Variants in LAMA2 observed in about 807,000 individuals in gnomAD.
The protein encoded by LAMA2 is laminin subunit alpha-2.
A neutral mutation model predicts 364.8 loss-of-function variants in LAMA2; 269 were observed. The ratio of observed to expected loss-of-function variants is 0.74; its 90% CI spans 0.67 to 0.82. The LOEUF is 0.82. LAMA2 is among the 40% of genes least tolerant of loss of function. The pLI, the probability that LAMA2 is intolerant of heterozygous loss-of-function variation, is 0.00. For missense variants in LAMA2, 3,807 were observed against 3,873.2 expected, an observed-to-expected ratio of 0.98 and a Z score of 0.45; for synonymous variants, 1,379 against 1,370.6, an observed-to-expected ratio of 1.01 and a Z score of -0.14.
At chr6:129,133,867 A>AACACACAC (rs148016532) in intron 4 of LAMA2, among the ~76,000 whole-genome samples, 7 of 151,130 alleles carry the variant, frequency 4.6e-5, no homozygotes, top group Non-Finnish European at 1.0e-4. Flanking sequence ...GAGACAATTC[A>AACACACAC]ACACACACAC....
Position 129,297,833 on chromosome 6 carries a change from G to T in LAMA2, c.3005G>T (p.Gly1002Val), listed in dbSNP as rs1415676174. 1 of 1,613,846 alleles carries T rather than the reference G, an allele frequency of 6.2e-7. No homozygotes were observed. Among genetic ancestry groups the T allele is most frequent in the East Asian group, 2.2e-5 (1 of 44,874 alleles). The change falls in exon 21 of 65, where the codon GGC becomes GTC. Residue 1002 changes from glycine to valine, a missense_variant. Coordinates refer to ENST00000421865, the MANE Select transcript of LAMA2 (RefSeq NM_000426.4). ...AAGAAATGTGACCGCTGTGCCCACG[G>T]CTATTTCAACTTCCAAGAAGGAGGC... The part of the protein sequence containing the change: ...TGKKCDRCAH[G>V]YFNFQEGGCT...
chr6:129,248,711 T>A (rs1393506313), intron 12 of LAMA2, among the ~76,000 whole-genome samples: 2 of 152,216 alleles, frequency 1.3e-5, no homozygotes, highest in Non-Finnish European at 2.9e-5. Flanking sequence ...AGTCCTTGTT[T>A]GAAATATATA....
chr6:129,095,754 C>CAAAAAAA (rs57713069), intron 3 of LAMA2, among the ~76,000 whole-genome samples: 2 of 93,992 alleles, frequency 2.1e-5, no homozygotes, highest in Non-Finnish European at 2.4e-5. Context: ...CTACTAAATA[C>CAAAAAAA]AAAAAAAAAA....
intron 14 of LAMA2, among the ~76,000 whole-genome samples, chr6:129,255,417 A>T (rs928566401): frequency 6.8e-6 from 1 of 147,768 alleles, no homozygotes; most frequent in Non-Finnish European, 1.5e-5. Flanking sequence ...AAAAAAAAAA[A>T]AAAAAAAAAA....
At chr6:128,963,604 C>T (rs898674294) in intron 1 of LAMA2, among the ~76,000 whole-genome samples, 2 of 152,026 alleles carry the variant, frequency 1.3e-5, no homozygotes, top group African/African-American at 4.8e-5. Context: ...CTCAGCAAAA[C>T]CTCAAAACAA....
chr6:129,515,297 A>G (rs1163466577), intron 64 of LAMA2, among the ~76,000 whole-genome samples: 1 of 152,246 alleles, frequency 6.6e-6, no homozygotes, highest in Non-Finnish European at 1.5e-5. Context: ...TAAATGAAAC[A>G]AGCAAAATGT....
chr6:129,339,275 G>A (rs1776124478), intron 29 of LAMA2, among the ~76,000 whole-genome samples: 1 of 152,178 alleles, frequency 6.6e-6, no homozygotes, highest in Admixed American at 6.5e-5. Flanking sequence ...ATGATCTAAT[G>A]GATACCTCGG....
intron 20 of LAMA2, among the ~76,000 whole-genome samples, chr6:129,296,795 A>T (rs569205032): frequency 9.9e-5 from 15 of 152,260 alleles, no homozygotes; most frequent in African/African-American, 3.6e-4. Flanking sequence ...TTATATTTTT[A>T]AAAAATAACC....
At chr6:129,288,131 G>A (rs917044562) in intron 19 of LAMA2, 73 bp downstream of exon 19, 33 of 1,289,736 alleles carry the variant, frequency 2.6e-5, no homozygotes, top group Non-Finnish European at 3.4e-5. Context: ...GAGTTCTTGA[G>A]TGTGGATTGA....
chr6:128,910,344 T>G (rs1179508603), intron 1 of LAMA2, among the ~76,000 whole-genome samples: 3 of 152,178 alleles, frequency 2.0e-5, no homozygotes, highest in Non-Finnish European at 4.4e-5. Flanking sequence ...TTCTTTTTAT[T>G]CTTTTTTCTC....
chr6:129,309,919 A>C (rs1244412181), intron 22 of LAMA2, among the ~76,000 whole-genome samples: 1 of 104,744 alleles, frequency 9.5e-6, no homozygotes, highest in African/African-American at 4.8e-5. Flanking sequence ...TTTTTTTTTG[A>C]GACGGAGTCT....
chr6:129,501,710 A>G (rs1785655645), intron 58 of LAMA2, among the ~76,000 whole-genome samples: 1 of 152,224 alleles, frequency 6.6e-6, no homozygotes. Context: ...GAGAGTGTGC[A>G]GGTTATTTTC....
intron 1 of LAMA2, among the ~76,000 whole-genome samples, chr6:128,922,691 G>T (rs1000367304): frequency 5.3e-5 from 8 of 152,014 alleles, no homozygotes; most frequent in African/African-American, 1.9e-4. Context: ...TTCTTTTGCT[G>T]TGCAGAAGCT....
At chr6:129,489,295 A>G (rs1784743765) in intron 56 of LAMA2, among the ~76,000 whole-genome samples, 1 of 152,184 alleles carries the variant, frequency 6.6e-6, no homozygotes, top group African/African-American at 2.4e-5. Flanking sequence ...AAGCTTCTCA[A>G]GAAGCTCCTT....
At chr6:129,157,233 A>C (rs1779166951) in intron 8 of LAMA2, among the ~76,000 whole-genome samples, 2 of 152,200 alleles carry the variant, frequency 1.3e-5, no homozygotes, top group Non-Finnish European at 2.9e-5. Context: ...GACTGGAGAC[A>C]CTAATCAGGA....
At chr6:129,507,256 A>G (rs957061530) in intron 61 of LAMA2, among the ~76,000 whole-genome samples, 1 of 152,078 alleles carries the variant, frequency 6.6e-6, no homozygotes, top group East Asian at 1.9e-4. Flanking sequence ...GACTATGAGA[A>G]CAGTCATATT....
intron 4 of LAMA2, among the ~76,000 whole-genome samples, chr6:129,126,160 T>C (rs79702013): frequency 0.039 from 5,873 of 152,280 alleles, 388 homozygotes; most frequent in African/African-American, 0.13. Flanking sequence ...CTTTACACAT[T>C]ATTAAATGAA....
chr6:129,293,862 T>G (rs1431080216), intron 20 of LAMA2, among the ~76,000 whole-genome samples: 4 of 152,208 alleles, frequency 2.6e-5, no homozygotes, highest in Non-Finnish European at 4.4e-5. Flanking sequence ...ATCACACATT[T>G]TTTAAAAAAC....
intron 1 of LAMA2, among the ~76,000 whole-genome samples, chr6:128,994,020 A>AGAG: frequency 6.6e-6 from 1 of 152,336 alleles, no homozygotes; most frequent in South Asian, 2.1e-4. Flanking sequence ...TGTTGTGTCA[A>AGAG]TGCCATGAAT....
Sources: allele counts gnomAD v4.1 joint callset (sites outside exome capture counted in the v4.1 genomes callset), GRCh38; gene constraint gnomAD v4.1.1; transcripts MANE v1.5; gene names NCBI Gene and HGNC (gene_info 2026-07-23, HGNC 2026-07-21).